EPCAM: variants seen among roughly 807,000 people sequenced by gnomAD.
EPCAM encodes epithelial cell adhesion molecule, also known as adenocarcinoma-associated antigen.
In EPCAM, 39 loss-of-function variants were observed where a neutral mutation model predicts 40.0. That is an observed-to-expected ratio of 0.98 (90% CI 0.76 to 1.27). The LOEUF is 1.27. Among genes scored for constraint, EPCAM ranks in the 50% most tolerant of loss-of-function variants. The pLI is 0.00. For synonymous variants in EPCAM, 168 were observed against 132.3 expected, an observed-to-expected ratio of 1.27 and a Z score of -1.85; for missense variants, 503 against 381.2, an observed-to-expected ratio of 1.32 and a Z score of -2.66.
At position 47,375,257 on chromosome 2, in the gene EPCAM, A is replaced by C; in HGVS notation, c.449A>C (p.His150Pro). Residue 150 changes from histidine to proline, a missense_variant, in exon 4 of 9, where the codon CAC becomes CCC. His to Pro is a moderately conservative substitution (Grantham distance 77, BLOSUM62 -2). Coordinates refer to ENST00000263735, the MANE Select transcript of EPCAM (RefSeq NM_002354.3). ...RTYWIIIELK[H>P]KAREKPYDSK... The stretch of plus-strand genomic sequence containing the variant: ...AGCTGGATCATCATTGAACTAAAAC[A>C]CAAAGCAAGAGAAAAACCTTATGAT... 6.2e-7 allele frequency: 1 copy of C among 1,612,166 alleles called. No homozygotes were observed. Among genetic ancestry groups the C allele is most frequent in the Non-Finnish European group, 8.5e-7 (1 of 1,178,320 alleles).
chr2:47,378,278 C>T (rs1423273464), intron 5 of EPCAM, among the ~76,000 whole-genome samples: 1 of 151,272 alleles, frequency 6.6e-6, no homozygotes, highest in Non-Finnish European at 1.5e-5. Flanking sequence ...CTGCGTTTTA[C>T]CTTGCATTTC....
At position 47,385,174 on chromosome 2, in the gene EPCAM, CAGAA is replaced by C; in HGVS notation, c.872_875del (p.Lys291ArgfsTer11). ...GTCTTTCTTCCACTCAGGTTATTTC[CAGAA>C]AGAAGAGAATGGCAAAGTATGAGAA... On this transcript the variant is annotated frameshift_variant, in exon 8 of 9. Transcript: ENST00000263735. LOFTEE classifies it high-confidence loss of function. 6.2e-7 allele frequency: 1 copy of C among 1,612,406 alleles called. No homozygotes were observed. Among genetic ancestry groups the C allele is most frequent in the Non-Finnish European group, 8.5e-7 (1 of 1,178,740 alleles).
At chr2:47,382,697 T>C (rs1446608122) in intron 7 of EPCAM, among the ~76,000 whole-genome samples, 3 of 152,050 alleles carry the variant, frequency 2.0e-5, no homozygotes, top group East Asian at 1.9e-4. Flanking sequence ...AAAAAATGAA[T>C]AAAAACAACA....
intron 2 of EPCAM, 96 bp from the exon 3 acceptor site, chr2:47,373,712 A>G (rs1299643362): frequency 3.2e-6 from 5 of 1,555,560 alleles, no homozygotes; most frequent in African/African-American, 2.7e-5. Flanking sequence ...TAAATTTCAA[A>G]TAATCTTTGA....
intron 4 of EPCAM, 22 bp downstream of exon 4, chr2:47,375,321 A>G: frequency 6.6e-7 from 1 of 1,512,868 alleles, no homozygotes; most frequent in Non-Finnish European, 9.2e-7. Flanking sequence ...TAAATGCATC[A>G]TATTCTTGCA....
At position 47,386,751 on chromosome 2, in the gene EPCAM, G is replaced by T. The variant is rs1671752361; in HGVS notation, c.*138G>T. On this transcript the variant is annotated 3_prime_UTR_variant, in exon 9 of 9. Coordinates refer to ENST00000263735, the MANE Select transcript of EPCAM (RefSeq NM_002354.3). ...TCATATATTTGTAATAGTGAAACCT[G>T]TACTCAAAATATAAGCAGCTTGAAA... The T allele has an allele frequency of 6.1e-6, 4 of 660,302 alleles. No homozygotes were observed. The highest frequency in any genetic ancestry group is 1.1e-5 in the Non-Finnish European group (4 of 380,296). The allele number at this position is 660,302 out of a possible 1,614,324, so 40.9% of individuals were successfully genotyped here. A position where few individuals can be genotyped will look rare whatever the true frequency, so the allele number is the denominator to read the frequency against.
At chr2:47,381,013 G>A (rs1671573662) in intron 7 of EPCAM, among the ~76,000 whole-genome samples, 2 of 143,700 alleles carry the variant, frequency 1.4e-5, no homozygotes, top group African/African-American at 5.1e-5. Flanking sequence ...TTGAACCTGG[G>A]AAGCAGAGGT....
chr2:47,377,203 G>T, intron 5 of EPCAM, 126 bp downstream of exon 5: 1 of 746,810 alleles, frequency 1.3e-6, no homozygotes, highest in South Asian at 1.5e-5. Flanking sequence ...TCGGATCTGG[G>T]TACTTAATGT....
intron 4 of EPCAM, among the ~76,000 whole-genome samples, chr2:47,375,737 G>A (rs530136861): frequency 3.1e-4 from 45 of 146,018 alleles, no homozygotes; most frequent in African/African-American, 1.1e-3. Flanking sequence ...ACGGAGTCTC[G>A]CTCTGTCACC....
At chr2:47,373,723 C>T (rs2103746610) in intron 2 of EPCAM, 85 bp from the exon 3 acceptor site, 1 of 1,570,436 alleles carries the variant, frequency 6.4e-7, no homozygotes, top group Non-Finnish European at 8.7e-7. Context: ...TAATCTTTGA[C>T]CCTGGAACTT....
rs1334213106 is a variant in EPCAM at position 47,369,383 on chromosome 2, A to T, written c.-123A>T. 1 of 1,198,406 alleles carries T rather than the reference A, an allele frequency of 8.3e-7. No homozygotes were observed. The highest frequency in any genetic ancestry group is 1.1e-6 in the Non-Finnish European group (1 of 919,694). 74.2% of individuals were successfully genotyped at this position (1,198,406 alleles called of 1,614,324 possible). A position where few individuals can be genotyped will look rare whatever the true frequency, so the allele number is the denominator to read the frequency against. On this transcript the variant is annotated 5_prime_UTR_variant, in exon 1 of 9. Transcript: ENST00000263735. Reference sequence around the variant, plus strand: ...GGACCCCCTCGTCGCTGTCCTCCCGACGCGGACCCGCGTGCCCCAGGCCTC... The same window carrying T: ...GGACCCCCTCGTCGCTGTCCTCCCGTCGCGGACCCGCGTGCCCCAGGCCTC...
Position 47,386,708 on chromosome 2 carries a change from G to T in EPCAM, c.*95G>T. ...GGACGAAGACATCTTTGAAGGTCAT[G>T]AGTTTGTTAGTTTAACATCATATAT... On this transcript the variant is annotated 3_prime_UTR_variant, in exon 9 of 9. Transcript: ENST00000263735. 1 of 963,342 alleles carries T rather than the reference G, an allele frequency of 1.0e-6. No homozygotes were observed. The highest frequency in any genetic ancestry group is 1.7e-6 in the Non-Finnish European group (1 of 597,598). 59.7% of individuals were successfully genotyped at this position (963,342 alleles called of 1,614,324 possible).
chr2:47,376,340 T>C (rs1373217681), intron 4 of EPCAM, among the ~76,000 whole-genome samples: 1 of 146,132 alleles, frequency 6.8e-6, no homozygotes, highest in Non-Finnish European at 1.5e-5. Context: ...CACCGCAACC[T>C]CTGCTTCCCG....
chr2:47,383,607 CTTTT>C lies in EPCAM; in HGVS notation c.859-1517_859-1514del, dbSNP rs760722807. Among the ~76,000 whole-genome samples the C allele has an allele frequency of 2.8e-3, 101 of 36,428 alleles. 1 individual carries two copies. Among genetic ancestry groups the C allele is most frequent in the Middle Eastern group, 0.024 (1 of 42 alleles). 23.9% of individuals were successfully genotyped at this position (36,428 alleles called of 152,430 possible). A position where few individuals can be genotyped will look rare whatever the true frequency, so the allele number is the denominator to read the frequency against. On this transcript the variant is annotated intron_variant, in intron 7 of 8. Coordinates refer to ENST00000263735, the MANE Select transcript of EPCAM (RefSeq NM_002354.3). ...CATGAGCCACTGTGCCCGGCTTCTTCTTTTTTTTTTTTTTTTTTTTTTTTTTTTT... is the reference window on the plus strand; with the variant it reads ...CATGAGCCACTGTGCCCGGCTTCTTCTTTTTTTTTTTTTTTTTTTTTTTTT...
intron 5 of EPCAM, chr2:47,377,838 A>T: frequency 2.3e-6 from 1 of 432,906 alleles, no homozygotes; most frequent in South Asian, 1.7e-5. Flanking sequence ...ACTCTGGTTT[A>T]AAAAATAAAA....
intron 3 of EPCAM, 129 bp downstream of exon 3, chr2:47,374,177 C>A (rs1671361661): frequency 9.1e-7 from 1 of 1,099,158 alleles, no homozygotes; most frequent in Non-Finnish European, 1.3e-6. Context: ...TGAAAAGCTT[C>A]CTTCTCATTC....
At position 47,369,492 on chromosome 2, in the gene EPCAM, G is replaced by C. The variant is rs562515601; in HGVS notation, c.-14G>C. 2.9e-5 allele frequency: 44 copies of C among 1,526,470 alleles called. No homozygotes were observed. Among genetic ancestry groups the C allele is most frequent in the South Asian group, 2.8e-4 (23 of 81,956 alleles). The allele number at this position is 1,526,470 out of a possible 1,614,324, so 94.6% of individuals were successfully genotyped here. On this transcript the variant is annotated 5_prime_UTR_variant, in exon 1 of 9. Coordinates refer to ENST00000263735, the MANE Select transcript of EPCAM (RefSeq NM_002354.3). ...GGGCCCCTCCCGCGCCCCTCTTCTCGGCGCGCGCGCAGCATGGCGCCCCCG... is the reference window on the plus strand; with the variant it reads ...GGGCCCCTCCCGCGCCCCTCTTCTCCGCGCGCGCGCAGCATGGCGCCCCCG...
rs863224388 is a variant in EPCAM, at chr2:47,373,799, C to T, written c.185-9C>T. ...ATTTTTCAGTTTGGCATTAAGGTTTCTTTTTCAGTGGCTGCCAAATGTTTG... is the reference window on the plus strand; with the variant it reads ...ATTTTTCAGTTTGGCATTAAGGTTTTTTTTTCAGTGGCTGCCAAATGTTTG... On this transcript the variant is annotated splice_polypyrimidine_tract_variant and intron_variant, in intron 2 of 8. Coordinates refer to ENST00000263735, the MANE Select transcript of EPCAM (RefSeq NM_002354.3). 1 of 1,613,562 alleles carries T rather than the reference C, an allele frequency of 6.2e-7. No homozygotes were observed. The highest frequency in any genetic ancestry group is 1.1e-5 in the South Asian group (1 of 91,068).
At position 47,385,032 on chromosome 2, in the gene EPCAM, A is replaced by C. The variant is rs1029503585; in HGVS notation, c.859-134A>C. The C allele has an allele frequency of 1.1e-5, 8 of 742,708 alleles. No individual in the cohort carries two copies. In the Admixed American group the frequency reaches 1.6e-4, roughly 14 times the overall value. 46.0% of individuals were successfully genotyped at this position (742,708 alleles called of 1,614,324 possible). ...GAAATTTTTAATTTAAGAAGCAATA[A>C]ATGTTTATGGATAGATGTTAAAATT... On this transcript the variant is annotated intron_variant, in intron 7 of 8. Transcript: ENST00000263735.
Sources: allele counts gnomAD v4.1 joint callset (sites outside exome capture counted in the v4.1 genomes callset), GRCh38; gene constraint gnomAD v4.1.1; transcripts MANE v1.5; gene names NCBI Gene and HGNC (gene_info 2026-07-23, HGNC 2026-07-21).